PITPNM3: variants seen among roughly 807,000 people sequenced by gnomAD.
The protein encoded by PITPNM3 is membrane-associated phosphatidylinositol transfer protein 3.
In PITPNM3, 26 loss-of-function variants were observed where a neutral mutation model predicts 102.0. That is an observed-to-expected ratio of 0.25 (90% confidence interval 0.19 to 0.35). PITPNM3 has a LOEUF of 0.35. Ranked by LOEUF, PITPNM3 falls within the 10% of genes least tolerant of loss-of-function variation. PITPNM3 has a pLI of 1.00. For missense variants in PITPNM3, 1,083 were observed against 1,346.1 expected (o/e 0.80, Z 3.06); for synonymous variants, 578 against 558.6 (o/e 1.03, Z -0.49).
chr17:6,461,283 G>T, intron 18 of PITPNM3, 90 bp downstream of exon 18: 1 of 1,453,830 alleles, frequency 6.9e-7, no homozygotes, highest in Non-Finnish European at 9.6e-7. Context: ...ACATCACAAG[G>T]CCCCACCCGG....
chr17:6,541,437 G>C (rs1909727049), intron 1 of PITPNM3, among the ~76,000 whole-genome samples: 1 of 151,968 alleles, frequency 6.6e-6, no homozygotes, highest in South Asian at 2.1e-4. Context: ...TGTGTCCAAG[G>C]GGCAGAAAGA....
At chr17:6,514,798 A>T (rs1342456468) in intron 3 of PITPNM3, among the ~76,000 whole-genome samples, 2 of 152,260 alleles carry the variant, frequency 1.3e-5, no homozygotes, top group African/African-American at 4.8e-5. Context: ...AAACTTGCAT[A>T]TGAATACTTA....
chr17:6,464,043 C>T lies in PITPNM3; in HGVS notation c.2156+127G>A, dbSNP rs1904636109. ...CACGGCTGGTGACCTCTCCCATCCA[C>T]CTCTGTCCATGCAGACAGAGATGGG... On this transcript the variant is annotated intron_variant, in intron 16 of 19. Transcript: ENST00000262483. The T allele has an allele frequency of 3.3e-6, 5 of 1,535,146 alleles. No homozygotes were observed. The Admixed American group carries it at 6.8e-5, about 21-fold the overall frequency.
rs1311820746 is a variant in PITPNM3, at chr17:6,556,362, G to C, written c.22+23C>G. On this transcript the variant is annotated intron_variant, in intron 1 of 19. Transcript: ENST00000262483. The surrounding 1 kb of genome is among the most constrained non-coding windows in gnomAD (Gnocchi z 5.2). Reference sequence around the variant, plus strand: ...AGTCCCTCCCCCGGGCCCCGGCCCTGCCCTCCCCGCGCCCGCCCTCACCTG... The same window carrying C: ...AGTCCCTCCCCCGGGCCCCGGCCCTCCCCTCCCCGCGCCCGCCCTCACCTG... 2 of 1,391,324 alleles carry C rather than the reference G, an allele frequency of 1.4e-6. No individual in the cohort carries two copies. Among genetic ancestry groups the C allele is most frequent in the Non-Finnish European group, 1.9e-6 (2 of 1,067,306 alleles). The allele number at this position is 1,391,324 out of a possible 1,614,324, so 86.2% of individuals were successfully genotyped here.
At position 6,457,853 on chromosome 17, in the gene PITPNM3, G is replaced by T; in HGVS notation, c.2491-131C>A. On this transcript the variant is annotated intron_variant, in intron 18 of 19. Coordinates refer to ENST00000262483, the MANE Select transcript of PITPNM3 (RefSeq NM_031220.4). The surrounding 1 kb of genome is among the most constrained non-coding windows in gnomAD (Gnocchi z 4.7). ...ACTCTGGTAGACTCCAAGCCATGGG[G>T]CCACCCTGTGTCAGGAATGAACCCT... 2 of 1,313,804 alleles carry T rather than the reference G, an allele frequency of 1.5e-6. No homozygotes were observed. Among genetic ancestry groups the T allele is most frequent in the Non-Finnish European group, 2.1e-6 (2 of 948,794 alleles). The allele number at this position is 1,313,804 out of a possible 1,614,324, so 81.4% of individuals were successfully genotyped here.
At chr17:6,506,317 T>C (rs907057038) in intron 3 of PITPNM3, among the ~76,000 whole-genome samples, 14 of 152,228 alleles carry the variant, frequency 9.2e-5, no homozygotes, top group Non-Finnish European at 1.5e-5. Flanking sequence ...AAACCTGTTA[T>C]GGTGTTTTCT....
chr17:6,484,773 G>A (rs1567671777), intron 4 of PITPNM3, among the ~76,000 whole-genome samples: 1 of 152,210 alleles, frequency 6.6e-6, no homozygotes, highest in Non-Finnish European at 1.5e-5. Context: ...GTCTACCTGT[G>A]AGGTGTTTTG....
At chr17:6,464,559 G>A (rs1904663910) in intron 15 of PITPNM3, 96 bp downstream of exon 15, 11 of 1,310,740 alleles carry the variant, frequency 8.4e-6, no homozygotes, top group African/African-American at 4.4e-5. Context: ...CAGGCAGCTC[G>A]GCCCTCTTGA....
intron 4 of PITPNM3, among the ~76,000 whole-genome samples, chr17:6,487,000 C>T (rs529764459): frequency 6.6e-6 from 1 of 152,168 alleles, no homozygotes; most frequent in African/African-American, 2.4e-5. Flanking sequence ...CCCTTTCCAC[C>T]ACGTGAACTA....
rs961776391 is a variant in PITPNM3, at chr17:6,517,345, A to G, written c.226+8011T>C. 1.1e-4 allele frequency among the ~76,000 whole-genome samples: 17 copies of G among 152,202 alleles called. No individual in the cohort carries two copies. Among genetic ancestry groups the G allele is most frequent in the African/African-American group, 3.6e-4 (15 of 41,452 alleles). ...TCACTGCCAAAGCCACCATGATGAG[A>G]AAACAAAACCCTCCCCAAAAGTAAA... On this transcript the variant is annotated intron_variant, in intron 3 of 19. Transcript: ENST00000262483. The surrounding 1 kb of genome is among the most constrained non-coding windows in gnomAD (Gnocchi z 4.1).
At chr17:6,482,044 C>G (rs34378921) in intron 6 of PITPNM3, among the ~76,000 whole-genome samples, 64 of 88,294 alleles carry the variant, frequency 7.2e-4, no homozygotes, top group South Asian at 1.8e-3. Flanking sequence ...CTGTCTGTCT[C>G]TCTCTCTCTC....
chr17:6,474,342 C>T (rs1905197100), intron 10 of PITPNM3, 90 bp downstream of exon 10: 2 of 1,502,962 alleles, frequency 1.3e-6, no homozygotes, highest in South Asian at 1.2e-5. Context: ...CTGCCCCTGT[C>T]CCCGACTTCA....
intron 6 of PITPNM3, chr17:6,481,642 C>T (rs890901784): frequency 2.0e-5 from 3 of 152,022 alleles, no homozygotes; most frequent in Non-Finnish European, 4.4e-5. Flanking sequence ...TCCAGGAAGT[C>T]CTCTCTGGCC....
intron 3 of PITPNM3, among the ~76,000 whole-genome samples, chr17:6,522,640 G>T (rs949374470): frequency 6.6e-6 from 1 of 152,192 alleles, no homozygotes; most frequent in Non-Finnish European, 1.5e-5. Context: ...CCAGCATGAG[G>T]CAGGGGAGGG....
At chr17:6,460,894 T>A in intron 18 of PITPNM3, 1 of 256,550 alleles carries the variant, frequency 3.9e-6, no homozygotes, top group Non-Finnish European at 7.6e-6. Flanking sequence ...GGGCAGATAA[T>A]TTGCACTTCT....
In PITPNM3 at chr17:6,517,655, G is replaced by A. The variant is rs994216137; in HGVS notation, c.226+7701C>T. 2.0e-5 allele frequency among the ~76,000 whole-genome samples: 3 copies of A among 152,104 alleles called. No homozygotes were observed. Among genetic ancestry groups the A allele is most frequent in the African/African-American group, 7.2e-5 (3 of 41,424 alleles). ...GCTCACTGCAGCCTTAACCTCCTGG[G>A]TTCAAGCAACCCTCTCACCTCAGCC... On this transcript the variant is annotated intron_variant, in intron 3 of 19. Coordinates refer to ENST00000262483, the MANE Select transcript of PITPNM3 (RefSeq NM_031220.4). The surrounding 1 kb of genome is among the most constrained non-coding windows in gnomAD (Gnocchi z 4.1).
chr17:6,491,730 G>A (rs1906497403), intron 4 of PITPNM3, among the ~76,000 whole-genome samples: 2 of 151,536 alleles, frequency 1.3e-5, no homozygotes, highest in Admixed American at 1.3e-4. Flanking sequence ...TGGTGGGGGA[G>A]GTGGGGGAAG....
Position 6,457,665 on chromosome 17 carries a change from C to A in PITPNM3, c.2548G>T (p.Val850Leu), listed in dbSNP as rs558698054. 1.2e-6 allele frequency: 2 copies of A among 1,609,590 alleles called. No individual in the cohort carries two copies. The highest frequency in any genetic ancestry group is 2.2e-5 in the East Asian group (1 of 44,708). Reference sequence around the variant, plus strand: ...ATCTGGGAGGCAGGCAGGCCCAGCACGCTGTAGACAGAGATGTCCTTCGTG... The same window carrying A: ...ATCTGGGAGGCAGGCAGGCCCAGCAAGCTGTAGACAGAGATGTCCTTCGTG... ...GSTKDISVYS[V>L]LGLPASQIFI... The change falls in exon 19 of 20, where the codon GTG becomes TTG. Residue 850 changes from valine (V) to leucine (L), a missense_variant. Physicochemically the swap from Val to Leu is conservative, Grantham distance 32. Around this residue, in one of 5 missense-constraint regions of PITPNM3, gnomAD observed 208 missense variants for 178.2 expected, o/e 1.17. Coordinates refer to ENST00000262483, the MANE Select transcript of PITPNM3 (RefSeq NM_031220.4). This position sits in a 1 kb window ranked among gnomAD's most constrained non-coding sequence, Gnocchi z 4.7.
At chr17:6,551,025 A>C (rs557082291) in intron 1 of PITPNM3, among the ~76,000 whole-genome samples, 1 of 152,298 alleles carries the variant, frequency 6.6e-6, no homozygotes, top group Non-Finnish European at 1.5e-5. Context: ...AGGCCATCCA[A>C]GTTCCAGCAC....
Sources: allele counts gnomAD v4.1 joint callset (sites outside exome capture counted in the v4.1 genomes callset), GRCh38; gene constraint gnomAD v4.1.1; regional missense constraint gnomAD v4.1.1; non-coding constraint Gnocchi (gnomAD v3.1); transcripts MANE v1.5; gene names NCBI Gene and HGNC (gene_info 2026-07-23, HGNC 2026-07-21).